Variants in AGFG1 observed in about 807,000 individuals in gnomAD.
AGFG1 encodes ArfGAP with FG repeats 1, also known as arf-GAP domain and FG repeat-containing protein 1.
Under a neutral mutation model 60.6 loss-of-function variants are expected in AGFG1, and 10 were observed. That is an observed-to-expected ratio of 0.16 (90% CI 0.10 to 0.28). The LOEUF is 0.28. Ranked by LOEUF, AGFG1 falls within the 10% of genes least tolerant of loss-of-function variation. AGFG1 has a pLI of 1.00. For synonymous variants in AGFG1, 247 were observed against 242.9 expected (o/e 1.02, Z -0.16); for missense variants, 537 against 676.5 (o/e 0.79, Z 2.29).
At chr2:227,550,150 C>G in intron 10 of AGFG1, 1 of 403,096 alleles carries the variant, frequency 2.5e-6, no homozygotes, top group Non-Finnish European at 5.0e-6. Flanking sequence ...GGCAATTTGT[C>G]TACCTGCTTG....
intron 10 of AGFG1, chr2:227,549,931 A>G (rs1056759365): frequency 3.1e-4 from 97 of 315,246 alleles, no homozygotes; most frequent in South Asian, 2.5e-3. Context: ...TTTGTTATGT[A>G]TTATGCTACC....
At chr2:227,545,181 G>A (rs1186595359) in intron 10 of AGFG1, among the ~76,000 whole-genome samples, 3 of 151,932 alleles carry the variant, frequency 2.0e-5, no homozygotes, top group African/African-American at 4.8e-5. Context: ...TTCTCTAAAC[G>A]TCTCTTCTCA....
At chr2:227,518,516 CTTTTTTTTTTTTTT>C (rs1222543055) in intron 2 of AGFG1, among the ~76,000 whole-genome samples, 1 of 102,370 alleles carries the variant, frequency 9.8e-6, no homozygotes, top group Non-Finnish European at 2.0e-5. Flanking sequence ...GTCTCAGTGT[CTTTTTTTTTTTTTT>C]TTTTTTTTTA....
intron 10 of AGFG1, among the ~76,000 whole-genome samples, chr2:227,542,404 A>G (rs570316311): frequency 5.8e-4 from 88 of 152,282 alleles, no homozygotes; most frequent in African/African-American, 1.9e-3. Flanking sequence ...CCTTTTCTGC[A>G]TCTATTGAGA....
chr2:227,523,729 T>C, intron 3 of AGFG1, 34 bp from the exon 4 acceptor site: 1 of 1,580,606 alleles, frequency 6.3e-7, no homozygotes, highest in Non-Finnish European at 8.6e-7. Context: ...TTACCTACAT[T>C]TTTTTTTAGT....
intron 1 of AGFG1, among the ~76,000 whole-genome samples, chr2:227,478,424 C>A (rs1229368246): frequency 6.6e-6 from 1 of 151,904 alleles, no homozygotes; most frequent in Non-Finnish European, 1.5e-5. Flanking sequence ...TTCACTGCAG[C>A]CTTGACCTCC....
intron 2 of AGFG1, among the ~76,000 whole-genome samples, chr2:227,513,786 C>A (rs1274536744): frequency 6.6e-6 from 1 of 152,114 alleles, no homozygotes; most frequent in East Asian, 1.9e-4. Context: ...TGGATTAGGA[C>A]TAAGGGAAAA....
At chr2:227,504,078 G>A (rs1023762613) in intron 2 of AGFG1, among the ~76,000 whole-genome samples, 2 of 152,084 alleles carry the variant, frequency 1.3e-5, no homozygotes, top group Admixed American at 6.5e-5. Flanking sequence ...ATTGTGTTCA[G>A]TAGGCTGAGG....
At chr2:227,538,297 A>G (rs1371421242) in intron 10 of AGFG1, among the ~76,000 whole-genome samples, 1 of 152,202 alleles carries the variant, frequency 6.6e-6, no homozygotes, top group East Asian at 1.9e-4. Flanking sequence ...AATTGAACAT[A>G]TTTTGAGTAC....
chr2:227,489,808 A>C (rs1690747937), intron 1 of AGFG1, among the ~76,000 whole-genome samples: 1 of 150,884 alleles, frequency 6.6e-6, no homozygotes, highest in Non-Finnish European at 1.5e-5. Flanking sequence ...GTGTTTTGAC[A>C]AGCAAAAATA....
rs565248262 is a variant in AGFG1 at position 227,558,485 on chromosome 2, A to G, written c.*3990A>G. The G allele has an allele frequency of 6.6e-6, 1 of 152,148 alleles. No individual in the cohort carries two copies. Among genetic ancestry groups the G allele is most frequent in the Non-Finnish European group, 1.5e-5 (1 of 67,984 alleles). 9.4% of individuals were successfully genotyped at this position (152,148 alleles called of 1,614,324 possible). A position where few individuals can be genotyped will look rare whatever the true frequency, so the allele number is the denominator to read the frequency against. On this transcript the variant is annotated 3_prime_UTR_variant, in exon 13 of 13. Transcript: ENST00000310078. ...CTCATCTGAAGTATCACAGACTCCT[A>G]TTTTGTAAAGCATTCCACCTTTATT... is the stretch of plus-strand genomic sequence containing the variant.
intron 2 of AGFG1, among the ~76,000 whole-genome samples, chr2:227,496,770 C>G (rs1263591120): frequency 6.6e-6 from 1 of 152,144 alleles, no homozygotes; most frequent in Admixed American, 6.5e-5. Flanking sequence ...GAATCTGAAT[C>G]TAAAGTGGTA....
In AGFG1 at chr2:227,509,103, A is replaced by T. The variant is rs184520194; in HGVS notation, c.262-10845A>T. Among the ~76,000 whole-genome samples the T allele has an allele frequency of 1.7e-4, 26 of 152,300 alleles. 1 individual carries two copies. The highest frequency in any genetic ancestry group is 6.3e-4 in the African/African-American group (26 of 41,580). On this transcript the variant is annotated intron_variant, in intron 2 of 12. Transcript: ENST00000310078. ...AAAATGTTTATTAATCCCAAGGGGG[A>T]CAAACAGTGACTTTAAATGGATAAA...
intron 1 of AGFG1, 55 bp downstream of exon 1, chr2:227,472,643 G>T: frequency 3.9e-6 from 6 of 1,528,570 alleles, no homozygotes; most frequent in Non-Finnish European, 5.3e-6. Flanking sequence ...GTGGGGGAGC[G>T]GGCGGCGGGA....
At chr2:227,553,904 T>C (rs1559204538) in intron 12 of AGFG1, 109 bp downstream of exon 12, 1 of 726,038 alleles carries the variant, frequency 1.4e-6, no homozygotes, top group East Asian at 2.8e-5. Context: ...TATATTGATA[T>C]GAGTGACATC....
Position 227,554,529 on chromosome 2 carries a change from A to G in AGFG1, c.*34A>G, listed in dbSNP as rs371418177. 7.8e-6 allele frequency: 12 copies of G among 1,530,972 alleles called. No individual in the cohort carries two copies. The highest frequency in any genetic ancestry group is 1.1e-5 in the Non-Finnish European group (12 of 1,107,602). The allele number at this position is 1,530,972 out of a possible 1,614,324, so 94.8% of individuals were successfully genotyped here. A position where few individuals can be genotyped will look rare whatever the true frequency, so the allele number is the denominator to read the frequency against. ...AGACAATTTACTGGAACGAACTTTT[A>G]TGTGGTCACATTACATCTCTCCACC... On this transcript the variant is annotated 3_prime_UTR_variant, in exon 13 of 13. Coordinates refer to ENST00000310078, the MANE Select transcript of AGFG1 (RefSeq NM_004504.5).
At chr2:227,516,557 G>A (rs1223663267) in intron 2 of AGFG1, among the ~76,000 whole-genome samples, 1 of 152,152 alleles carries the variant, frequency 6.6e-6, no homozygotes, top group Non-Finnish European at 1.5e-5. Flanking sequence ...TTCTCTAGCA[G>A]TGTGACCTTC....
chr2:227,481,099 C>CTTTTTTTTTTTTTT (rs36152184), intron 1 of AGFG1, among the ~76,000 whole-genome samples: 6 of 75,722 alleles, frequency 7.9e-5, no homozygotes, highest in Non-Finnish European at 1.2e-4. Flanking sequence ...GTGTTTTAGG[C>CTTTTTTTTTTTTTT]TTTTTTTTTT....
At chr2:227,486,695 A>T (rs1440659190) in intron 1 of AGFG1, among the ~76,000 whole-genome samples, 1 of 152,214 alleles carries the variant, frequency 6.6e-6, no homozygotes, top group Non-Finnish European at 1.5e-5. Flanking sequence ...GTTATGCAAG[A>T]TTGAACCTTG....
Sources: gnomAD v4.1 joint callset for allele counts (sites outside exome capture counted in the v4.1 genomes callset) on GRCh38, gnomAD v4.1.1 for gene constraint, MANE v1.5 for transcripts, NCBI Gene and HGNC (gene_info 2026-07-23, HGNC 2026-07-21) for gene names.